The following CLDN15 variants were observed in gnomAD, a reference collection of about 807,000 sequenced individuals.
The protein encoded by CLDN15 is claudin-15.
Under a neutral mutation model 24.5 loss-of-function variants are expected in CLDN15, and 9 were observed. The observed-to-expected ratio is 0.37, with a 90% CI of 0.22 to 0.64. The LOEUF (loss-of-function observed/expected upper bound fraction) is 0.64, where lower values mean the gene tolerates loss of function less well. Among genes scored for constraint, CLDN15 ranks in the 30% least tolerant of loss-of-function variants. The pLI, the probability that CLDN15 is intolerant of heterozygous loss-of-function variation, is 0.63. For synonymous variants in CLDN15, 149 were observed against 131.4 expected (o/e 1.13, Z -0.92); for missense variants, 248 against 305.9 (o/e 0.81, Z 1.41).
Position 101,237,476 on chromosome 7 carries a change from C to T in CLDN15, c.106G>A (p.Gly36Arg). 5 of 1,614,018 alleles carry T rather than the reference C, an allele frequency of 3.1e-6. No individual in the cohort carries two copies. In the South Asian group the frequency reaches 3.3e-5, roughly 11 times the overall value. Residue 36 changes from glycine to arginine, a missense_variant, in exon 1 of 5, where the codon GGG (glycine) becomes AGG (arginine). Coordinates refer to ENST00000308344, the MANE Select transcript of CLDN15 (RefSeq NM_014343.3). The surrounding 1 kb of genome is among the most constrained non-coding windows in gnomAD (Gnocchi z 4.0). Reference sequence around the variant, plus strand: ...ATGGTGTTGGTGGTGATGACGTTCCCGTGCACAGTGGACACTCGCCAGTAG... The same window carrying T: ...ATGGTGTTGGTGGTGATGACGTTCCTGTGCACAGTGGACACTCGCCAGTAG... Reference protein sequence around the residue: ...NSYWRVSTVHGNVITTNTIFE... With the variant: ...NSYWRVSTVHRNVITTNTIFE...
intron 1 of CLDN15, among the ~76,000 whole-genome samples, chr7:101,235,667 G>A (rs1476605794): frequency 1.3e-5 from 2 of 152,200 alleles, no homozygotes; most frequent in African/African-American, 4.8e-5. Context: ...TCCCTGCCAG[G>A]AGATGCAGGG....
intron 4 of CLDN15, 41 bp from the exon 5 acceptor site, chr7:101,232,556 CCT>C: frequency 1.3e-6 from 2 of 1,596,294 alleles, no homozygotes; most frequent in Non-Finnish European, 1.7e-6. Flanking sequence ...GCGCGGCCCT[CCT>C]CTCTCCAATC....
At position 101,237,534 on chromosome 7, in the gene CLDN15, C is replaced by T. The variant is rs781229200; in HGVS notation, c.48G>A (p.Gly16=). ...GCAGAGTCACCCCCAGCATCAGCAGCCCCACAGTTGCCATGAAGAAGCCAA... is the reference window on the plus strand; with the variant it reads ...GCAGAGTCACCCCCAGCATCAGCAGTCCCACAGTTGCCATGAAGAAGCCAA... ...ETFGFFMATV[G]LLMLGVTLPN... The change falls in exon 1 of 5, where the codon GGG becomes GGA. Residue 16 remains glycine (G), a synonymous_variant. Coordinates refer to ENST00000308344, the MANE Select transcript of CLDN15 (RefSeq NM_014343.3). The surrounding 1 kb of genome is among the most constrained non-coding windows in gnomAD (Gnocchi z 4.0). 1.2e-6 allele frequency: 2 copies of T among 1,614,178 alleles called. No individual in the cohort carries two copies. Among genetic ancestry groups the T allele is most frequent in the East Asian group, 2.2e-5 (1 of 44,884 alleles).
chr7:101,237,893 T>G, upstream of CLDN15: 1 of 386,212 alleles, frequency 2.6e-6, no homozygotes, highest in Non-Finnish European at 4.9e-6. The surrounding 1 kb of genome is among the most constrained non-coding windows in gnomAD (Gnocchi z 4.0). Flanking sequence ...GCCTCTGGGC[T>G]GCCCCGGGCT....
intron 1 of CLDN15, among the ~76,000 whole-genome samples, chr7:101,235,687 G>A (rs545724449): frequency 2.6e-5 from 4 of 152,216 alleles, no homozygotes; most frequent in South Asian, 2.1e-4. Context: ...GTGCAGAGTC[G>A]GGGGGTAGGC....
chr7:101,236,682 C>A (rs1426758451), intron 1 of CLDN15: 9 of 1,247,488 alleles, frequency 7.2e-6, no homozygotes, highest in Non-Finnish European at 9.4e-6. Context: ...GCCCTGGGCC[C>A]AAAGAGCTGT....
rs771073693 is a variant in CLDN15 at position 101,232,504 on chromosome 7, G to A, written c.593C>T (p.Pro198Leu). 1 of 1,612,406 alleles carries A rather than the reference G, an allele frequency of 6.2e-7. No homozygotes were observed. Among genetic ancestry groups the A allele is most frequent in the South Asian group, 1.1e-5 (1 of 91,016 alleles). Reference sequence around the variant, plus strand: ...CATCACGGACACTGGAGCCTGGTAGGGCCGCCGGGCGCTGCGGGGAGGGCC... The same window carrying A: ...CATCACGGACACTGGAGCCTGGTAGAGCCGCCGGGCGCTGCGGGGAGGGCC... ...DEDPAASARR[P>L]YQAPVSVMPV... The change falls in exon 5 of 5, where the codon CCC becomes CTC. Residue 198 changes from proline (P) to leucine (L), a missense_variant. Pro to Leu is a moderately conservative substitution (Grantham distance 98). Transcript: ENST00000308344.
Position 101,237,712 on chromosome 7 carries a change from G to A in CLDN15, c.-131C>T. The A allele has an allele frequency of 1.5e-6, 1 of 674,194 alleles. No individual in the cohort carries two copies. The highest frequency in any genetic ancestry group is 2.7e-6 in the Non-Finnish European group (1 of 375,554). 41.8% of individuals were successfully genotyped at this position (674,194 alleles called of 1,614,324 possible). On this transcript the variant is annotated 5_prime_UTR_variant, in exon 1 of 5. Coordinates refer to ENST00000308344, the MANE Select transcript of CLDN15 (RefSeq NM_014343.3). The surrounding 1 kb of genome is among the most constrained non-coding windows in gnomAD (Gnocchi z 4.0). ...TGGGGTGGAATCAGCCTCAGCCTCT[G>A]CCTGCCTCTTCCTCGGGCTCAGGTC...
rs761165848 is a variant in CLDN15 at position 101,237,349 on chromosome 7, G to A, written c.217+16C>T. On this transcript the variant is annotated intron_variant, in intron 1 of 4. Coordinates refer to ENST00000308344, the MANE Select transcript of CLDN15 (RefSeq NM_014343.3). This position sits in a 1 kb window ranked among gnomAD's most constrained non-coding sequence, Gnocchi z 4.0. ...CCCCGCCGCCCTCTCTCCCTGGAGCGCTCCCCACCCCATACCAGAGAGGGC... is the reference window on the plus strand; with the variant it reads ...CCCCGCCGCCCTCTCTCCCTGGAGCACTCCCCACCCCATACCAGAGAGGGC... The A allele has an allele frequency of 2.0e-5, 31 of 1,552,088 alleles. No homozygotes were observed. In the East Asian group the frequency reaches 3.9e-4, roughly 19 times the overall value.
chr7:101,236,630 G>T, intron 1 of CLDN15: 1 of 712,912 alleles, frequency 1.4e-6, no homozygotes, highest in Non-Finnish European at 2.0e-6. Flanking sequence ...CATCTTAGCG[G>T]GGAGCAGGGA....
Position 101,237,259 on chromosome 7 carries a change from G to C in CLDN15, c.217+106C>G. On this transcript the variant is annotated intron_variant, in intron 1 of 4. Transcript: ENST00000308344. The surrounding 1 kb of genome is among the most constrained non-coding windows in gnomAD (Gnocchi z 4.0). ...GGCTGCGGGAACTCAGACCCGCAGA[G>C]CTTAATTCAGGGCTCCCTGCATCCT... is the stretch of plus-strand genomic sequence containing the variant. The C allele has an allele frequency of 1.3e-6, 1 of 788,444 alleles. No homozygotes were observed. 48.8% of individuals were successfully genotyped at this position (788,444 alleles called of 1,614,324 possible). A position where few individuals can be genotyped will look rare whatever the true frequency, so the allele number is the denominator to read the frequency against.
chr7:101,235,928 C>T (rs1798612171), intron 1 of CLDN15, among the ~76,000 whole-genome samples: 1 of 152,134 alleles, frequency 6.6e-6, no homozygotes, highest in Non-Finnish European at 1.5e-5. Context: ...CTCCCCTCTC[C>T]TGCCTGTGTG....
intron 1 of CLDN15, among the ~76,000 whole-genome samples, chr7:101,235,921 C>A (rs978972783): frequency 2.0e-5 from 3 of 152,118 alleles, no homozygotes; most frequent in Non-Finnish European, 4.4e-5. Flanking sequence ...ATGCCGGCTC[C>A]CCTCTCCTGC....
chr7:101,236,717 G>C (rs540941763), intron 1 of CLDN15: 1 of 1,290,276 alleles, frequency 7.8e-7, no homozygotes, highest in East Asian at 5.6e-5. Context: ...TAAGACCCCA[G>C]AAAGACACTG....
chr7:101,235,366 C>T (rs895643568), intron 1 of CLDN15, among the ~76,000 whole-genome samples: 1 of 152,128 alleles, frequency 6.6e-6, no homozygotes, highest in Non-Finnish European at 1.5e-5. Flanking sequence ...TGGATGCAGG[C>T]GATCCTCCTG....
intron 3 of CLDN15, 29 bp from the exon 4 acceptor site, chr7:101,232,749 G>T (rs771812344): frequency 4.4e-6 from 7 of 1,586,154 alleles, no homozygotes; most frequent in Non-Finnish European, 6.0e-6. Context: ...CGGGGGCGGG[G>T]GACAAGTGAG....
chr7:101,237,953 G>C (rs565178153), upstream of CLDN15: 1 of 319,694 alleles, frequency 3.1e-6, no homozygotes, highest in Non-Finnish European at 6.1e-6. This position sits in a 1 kb window ranked among gnomAD's most constrained non-coding sequence, Gnocchi z 4.0. Context: ...AGCCACTGAC[G>C]GATACAGCCA....
At chr7:101,235,931 C>A (rs754996927) in intron 1 of CLDN15, among the ~76,000 whole-genome samples, 3 of 152,148 alleles carry the variant, frequency 2.0e-5, no homozygotes, top group Non-Finnish European at 4.4e-5. Context: ...CCCTCTCCTG[C>A]CTGTGTGATT....
chr7:101,233,847 C>T (rs1798568866), intron 2 of CLDN15: 1 of 228,006 alleles, frequency 4.4e-6, no homozygotes, highest in Non-Finnish European at 8.6e-6. Flanking sequence ...TGGTTTTGAA[C>T]TCCTGACCTC....
Sources: allele counts gnomAD v4.1 joint callset (sites outside exome capture counted in the v4.1 genomes callset), GRCh38; gene constraint gnomAD v4.1.1; non-coding constraint Gnocchi (gnomAD v3.1); transcripts MANE v1.5; gene names NCBI Gene and HGNC (gene_info 2026-07-23, HGNC 2026-07-21).